The following CTNNA3 variants were observed in gnomAD, a reference collection of about 807,000 sequenced individuals.
CTNNA3 encodes catenin alpha-3.
A neutral mutation model predicts 95.7 loss-of-function variants in CTNNA3; 76 were observed. The ratio of observed to expected loss-of-function variants is 0.79; its 90% CI spans 0.66 to 0.96. The LOEUF is 0.96. Ranked by LOEUF, CTNNA3 falls within the 40% of genes least tolerant of loss-of-function variation. The pLI is 0.00. For synonymous variants in CTNNA3, 431 were observed against 374.4 expected (o/e 1.15, Z -1.74); for missense variants, 1,191 against 1,089.8 (o/e 1.09, Z -1.31).
At chr10:66,391,586 TA>T (rs906226399) in intron 11 of CTNNA3, among the ~76,000 whole-genome samples, 1 of 151,520 alleles carries the variant, frequency 6.6e-6, no homozygotes, top group Non-Finnish European at 1.5e-5. Flanking sequence ...TAATGCTCTT[TA>T]AAAAAAAATT....
chr10:67,188,968 T>G (rs1016406154), intron 6 of CTNNA3, among the ~76,000 whole-genome samples: 1 of 151,856 alleles, frequency 6.6e-6, no homozygotes, highest in African/African-American at 2.4e-5. Context: ...CATACAAAAA[T>G]TAGCCAGGCG....
At chr10:67,256,894 A>G (rs975576469) in intron 5 of CTNNA3, among the ~76,000 whole-genome samples, 5 of 152,164 alleles carry the variant, frequency 3.3e-5, no homozygotes, top group African/African-American at 1.2e-4. Flanking sequence ...ATCAATTTAA[A>G]TAGTTAAGAA....
intron 13 of CTNNA3, among the ~76,000 whole-genome samples, chr10:66,110,734 C>T (rs2082091935): frequency 6.6e-6 from 1 of 152,096 alleles, no homozygotes; most frequent in African/African-American, 2.4e-5. Context: ...CTAACATATT[C>T]GATTGTCTTA....
chr10:65,969,903 A>G (rs1462329058), intron 16 of CTNNA3, among the ~76,000 whole-genome samples: 1 of 152,086 alleles, frequency 6.6e-6, no homozygotes, highest in East Asian at 1.9e-4. Flanking sequence ...AGACATCTAG[A>G]TATAAGAAAT....
chr10:66,934,096 T>C lies in CTNNA3; in HGVS notation c.1048-158572A>G, dbSNP rs146239526. 4.0e-3 allele frequency among the ~76,000 whole-genome samples: 608 copies of C among 152,226 alleles called. 4 individuals are homozygous for C. The highest frequency in any genetic ancestry group is 0.014 in the African/African-American group (579 of 41,542). ...GAGAACAGGAATATCTGGGACATGA[T>C]ATAAGACCAAGCAAGTACAATGTAT... is the stretch of plus-strand genomic sequence containing the variant. On this transcript the variant is annotated intron_variant, in intron 7 of 17. Coordinates refer to ENST00000433211, the MANE Select transcript of CTNNA3 (RefSeq NM_013266.4).
At chr10:67,346,197 A>G (rs1842408779) in intron 5 of CTNNA3, among the ~76,000 whole-genome samples, 1 of 152,118 alleles carries the variant, frequency 6.6e-6, no homozygotes, top group African/African-American at 2.4e-5. Context: ...CTAGGTCTTT[A>G]AAAGCTTTGT....
In CTNNA3 at chr10:66,701,611, T is replaced by C. The variant is rs184826332; in HGVS notation, c.1281+64653A>G. Among the ~76,000 whole-genome samples the C allele has an allele frequency of 2.5e-3, 387 of 152,330 alleles. 1 individual carries two copies. The highest frequency in any genetic ancestry group is 6.8e-3 in the Middle Eastern group (2 of 294). On this transcript the variant is annotated intron_variant, in intron 9 of 17. Coordinates refer to ENST00000433211, the MANE Select transcript of CTNNA3 (RefSeq NM_013266.4). Reference sequence around the variant, plus strand: ...ATATTTCATATTATTGATATTATTGTAAAAGGTTTTACTATTTCAACTAAT... The same window carrying C: ...ATATTTCATATTATTGATATTATTGCAAAAGGTTTTACTATTTCAACTAAT...
chr10:67,252,868 A>G (rs1866165318), intron 5 of CTNNA3, among the ~76,000 whole-genome samples: 1 of 152,330 alleles, frequency 6.6e-6, no homozygotes, highest in Middle Eastern at 3.4e-3. Flanking sequence ...TGCATTTTCC[A>G]TCTAATTAAT....
At chr10:67,579,707 C>T (rs1216868897) in intron 3 of CTNNA3, among the ~76,000 whole-genome samples, 1 of 152,184 alleles carries the variant, frequency 6.6e-6, no homozygotes, top group Non-Finnish European at 1.5e-5. Flanking sequence ...ACATCCTCTC[C>T]AGCACCTGTT....
chr10:67,070,743 CT>C (rs940442905), intron 7 of CTNNA3, among the ~76,000 whole-genome samples: 1 of 150,850 alleles, frequency 6.6e-6, no homozygotes, highest in African/African-American at 2.4e-5. Context: ...AAGACCCCAT[CT>C]CAAAAAAAAA....
chr10:66,925,571 T>C (rs1003485704), intron 7 of CTNNA3, among the ~76,000 whole-genome samples: 2 of 152,214 alleles, frequency 1.3e-5, no homozygotes, highest in African/African-American at 4.8e-5. Context: ...TCCAAAATGT[T>C]TGTGTTCTAA....
chr10:67,316,405 T>C (rs1321970624), intron 5 of CTNNA3, among the ~76,000 whole-genome samples: 1 of 152,178 alleles, frequency 6.6e-6, no homozygotes. Context: ...AAATTTTTTG[T>C]CAAGGGCCTT....
At chr10:66,396,133 C>T (rs1349614848) in intron 11 of CTNNA3, among the ~76,000 whole-genome samples, 1 of 151,942 alleles carries the variant, frequency 6.6e-6, no homozygotes, top group East Asian at 1.9e-4. Flanking sequence ...TTTTTAATGG[C>T]TGCATAGTAT....
chr10:66,697,802 C>A (rs1194813007), intron 9 of CTNNA3, among the ~76,000 whole-genome samples: 9 of 152,096 alleles, frequency 5.9e-5, no homozygotes, highest in Admixed American at 4.6e-4. Flanking sequence ...GAGCAATAAA[C>A]TAAAGCTGCA....
chr10:66,986,336 A>T (rs1366853122), intron 7 of CTNNA3, among the ~76,000 whole-genome samples: 1 of 152,014 alleles, frequency 6.6e-6, no homozygotes, highest in African/African-American at 2.4e-5. Context: ...ATCTCTACTA[A>T]AAATACAAAA....
chr10:67,463,018 C>T (rs1290417876), intron 5 of CTNNA3, among the ~76,000 whole-genome samples: 1 of 145,274 alleles, frequency 6.9e-6, no homozygotes, highest in Non-Finnish European at 1.5e-5. Flanking sequence ...AATTCTCCTG[C>T]CTCACCCTCC....
intron 7 of CTNNA3, among the ~76,000 whole-genome samples, chr10:66,883,821 GA>G (rs1844934467): frequency 6.6e-6 from 1 of 152,172 alleles, no homozygotes; most frequent in African/African-American, 2.4e-5. Context: ...ATGTGAGAGA[GA>G]TGAATTGAAG....
At chr10:67,233,424 C>T (rs1251168927) in intron 5 of CTNNA3, among the ~76,000 whole-genome samples, 1 of 147,946 alleles carries the variant, frequency 6.8e-6, no homozygotes, top group Non-Finnish European at 1.5e-5. Flanking sequence ...GGGTACATAA[C>T]GAAATGAAGG....
intron 9 of CTNNA3, among the ~76,000 whole-genome samples, chr10:66,686,412 G>C (rs1847298774): frequency 6.6e-6 from 1 of 152,194 alleles, no homozygotes; most frequent in Admixed American, 6.5e-5. Context: ...GCAGTGAGCT[G>C]TGATTGCACT....
Sources: gnomAD v4.1 joint callset for allele counts (sites outside exome capture counted in the v4.1 genomes callset) on GRCh38, gnomAD v4.1.1 for gene constraint, MANE v1.5 for transcripts, NCBI Gene and HGNC (gene_info 2026-07-23, HGNC 2026-07-21) for gene names.